The following TRIM5 variants were observed in gnomAD, a reference collection of about 807,000 sequenced individuals.
The protein encoded by TRIM5 is tripartite motif-containing protein 5.
A neutral mutation model predicts 35.6 loss-of-function variants in TRIM5; 31 were observed. The ratio of observed to expected loss-of-function variants is 0.87; its 90% CI spans 0.65 to 1.18. The LOEUF (loss-of-function observed/expected upper bound fraction) is 1.18. Among genes scored for constraint, TRIM5 ranks in the 50% most tolerant of loss-of-function variants. TRIM5 has a pLI of 0.00. For synonymous variants in TRIM5, 243 were observed against 215.6 expected (o/e 1.13, Z -1.11); for missense variants, 609 against 591.6 (o/e 1.03, Z -0.31).
At chr11:5,622,560 G>C in the TRIM5 span, among the ~76,000 whole-genome samples, 2 of 152,292 alleles carry the variant, frequency 1.3e-5, no homozygotes, top group East Asian at 1.9e-4. Context: ...GGAGGTTGCG[G>C]TGAGCCAAGA....
At chr11:5,671,688 G>A (rs1320422120) in intron 4 of TRIM5, among the ~76,000 whole-genome samples, 2 of 152,048 alleles carry the variant, frequency 1.3e-5, no homozygotes, top group Non-Finnish European at 2.9e-5. Flanking sequence ...CATGTCAGAT[G>A]TCATAATGTA....
chr11:5,635,254 ATT>A, the TRIM5 span, among the ~76,000 whole-genome samples: 61,579 of 127,580 alleles, frequency 0.48, 13,271 homozygotes, highest in Non-Finnish European at 0.56. Flanking sequence ...TTCCCTGTTA[ATT>A]TTTTTTTTTT....
chr11:5,638,062 T>C, the TRIM5 span, among the ~76,000 whole-genome samples: 1 of 152,246 alleles, frequency 6.6e-6, no homozygotes, highest in African/African-American at 2.4e-5. Context: ...GAGTTAATTA[T>C]ATGTAAATCA....
At chr11:5,678,710 T>C (rs556365716) in intron 3 of TRIM5, among the ~76,000 whole-genome samples, 1 of 152,318 alleles carries the variant, frequency 6.6e-6, no homozygotes, top group East Asian at 1.9e-4. Flanking sequence ...CATGCCTGCC[T>C]GTATTACTTC....
chr11:5,610,144 G>A, the TRIM5 span: 7 of 1,613,972 alleles, frequency 4.3e-6, no homozygotes, highest in Non-Finnish European at 5.9e-6. Context: ...GTCCTTTCTA[G>A]GAGTGAGTTC....
At chr11:5,646,334 A>G in the TRIM5 span, among the ~76,000 whole-genome samples, 1 of 152,144 alleles carries the variant, frequency 6.6e-6, no homozygotes, top group Non-Finnish European at 1.5e-5. Context: ...GAGAAAGAGG[A>G]GGGGACTATG....
the TRIM5 span, among the ~76,000 whole-genome samples, chr11:5,622,444 CA>C: frequency 1.5e-3 from 173 of 116,360 alleles, no homozygotes; most frequent in Non-Finnish European, 1.3e-3. Context: ...GACTACCTCT[CA>C]AAAAAAAAAA....
At chr11:5,592,026 C>T in the TRIM5 span, among the ~76,000 whole-genome samples, 2 of 152,004 alleles carry the variant, frequency 1.3e-5, no homozygotes, top group African/African-American at 4.8e-5. Flanking sequence ...GACTCTGGAG[C>T]CCAAAAGAGG....
At chr11:5,623,847 T>G in the TRIM5 span, among the ~76,000 whole-genome samples, 1 of 152,200 alleles carries the variant, frequency 6.6e-6, no homozygotes, top group Non-Finnish European at 1.5e-5. Flanking sequence ...TTGATCACCA[T>G]GCATGAGTCA....
chr11:5,680,242 C>A lies in TRIM5; in HGVS notation c.-61-4G>T, dbSNP rs1852330133. 1 of 1,471,122 alleles carries A rather than the reference C, an allele frequency of 6.8e-7. No homozygotes were observed. 91.1% of individuals were successfully genotyped at this position (1,471,122 alleles called of 1,614,324 possible). The stretch of plus-strand genomic sequence containing the variant: ...GGTTCCTCTTGTTCACAGATCCCTG[C>A]ATGATTGGGAAGGTTAAAATGGGAC... On this transcript the variant is annotated splice_polypyrimidine_tract_variant and splice_region_variant and intron_variant, in intron 1 of 7. Transcript: ENST00000380034.
chr11:5,633,142 CTTTCTT>C, the TRIM5 span, among the ~76,000 whole-genome samples: 1 of 104,112 alleles, frequency 9.6e-6, no homozygotes, highest in Non-Finnish European at 1.9e-5. Context: ...CCGGCCTTTT[CTTTCTT>C]TTTTTTTTTT....
At chr11:5,591,896 G>A in the TRIM5 span, among the ~76,000 whole-genome samples, 29,387 of 151,776 alleles carry the variant, frequency 0.19, 2,946 homozygotes, top group Middle Eastern at 0.31. Context: ...CTTTAGCCCC[G>A]GGGGGCTGTG....
At chr11:5,597,616 C>T in the TRIM5 span, among the ~76,000 whole-genome samples, 3 of 152,166 alleles carry the variant, frequency 2.0e-5, no homozygotes, top group Admixed American at 6.5e-5. Context: ...CTATTTTATT[C>T]CACTTTCACT....
the TRIM5 span, among the ~76,000 whole-genome samples, chr11:5,602,257 A>G: frequency 0.23 from 34,851 of 149,422 alleles, 4,455 homozygotes; most frequent in South Asian, 0.37. Context: ...TGGCTAACAC[A>G]GTGAAACCTC....
chr11:5,618,319 G>A, the TRIM5 span, among the ~76,000 whole-genome samples: 20 of 151,590 alleles, frequency 1.3e-4, no homozygotes, highest in African/African-American at 4.6e-4. Flanking sequence ...GCAGTGAGCC[G>A]AGATCACACC....
chr11:5,649,918 G>C, the TRIM5 span, among the ~76,000 whole-genome samples: 1 of 152,194 alleles, frequency 6.6e-6, no homozygotes, highest in African/African-American at 2.4e-5. Flanking sequence ...GGTGCTTTTA[G>C]TTTGTCTTGT....
chr11:5,660,985 T>C (rs1400232353), downstream of TRIM5, among the ~76,000 whole-genome samples: 1 of 122,264 alleles, frequency 8.2e-6, no homozygotes, highest in East Asian at 2.6e-4. Flanking sequence ...GAGGTTGCAG[T>C]GAGCCGAAAT....
chr11:5,596,932 T>C, the TRIM5 span: 1 of 1,614,104 alleles, frequency 6.2e-7, no homozygotes, highest in Non-Finnish European at 8.5e-7. Context: ...TACCGTTCTG[T>C]TGACTGGCTC....
At chr11:5,605,982 C>A in the TRIM5 span, among the ~76,000 whole-genome samples, 1 of 152,264 alleles carries the variant, frequency 6.6e-6, no homozygotes, top group Non-Finnish European at 1.5e-5. Flanking sequence ...AGCACCACCC[C>A]AGATGTGACA....
Sources: gnomAD v4.1 joint callset for allele counts (sites outside exome capture counted in the v4.1 genomes callset) on GRCh38, gnomAD v4.1.1 for gene constraint, MANE v1.5 for transcripts, NCBI Gene and HGNC (gene_info 2026-07-23, HGNC 2026-07-21) for gene names.